UGGT1: variants seen among roughly 807,000 people sequenced by gnomAD.
UGGT1 encodes UDP-glucose:glycoprotein glucosyltransferase 1.
UGGT1 carries 107 observed loss-of-function variants against 203.9 expected under a neutral mutation model. That is an observed-to-expected ratio of 0.52 (90% CI 0.45 to 0.62). UGGT1 has a LOEUF of 0.62. UGGT1 is among the 20% of genes least tolerant of loss of function. The probability of loss-of-function intolerance (pLI) is 0.00; values close to 1 mark genes in which losing one functional copy is unlikely to be tolerated. For missense variants in UGGT1, 1,673 were observed against 1,867.2 expected (o/e 0.90, Z 1.92); for synonymous variants, 628 against 653.5 (o/e 0.96, Z 0.59).
In UGGT1 at chr2:128,115,221, G is replaced by T; in HGVS notation, c.793+1G>T. The stretch of plus-strand genomic sequence containing the variant: ...GCCAAGGATGATACTCAGGTGAAAG[G>T]TGAATTTGTAAAAATGGGACCAGTG... On this transcript the variant is annotated splice_donor_variant, in intron 7 of 40. Transcript: ENST00000259253. LOFTEE classifies it high-confidence loss of function. 1 of 1,613,152 alleles carries T rather than the reference G, an allele frequency of 6.2e-7. No individual in the cohort carries two copies. The highest frequency in any genetic ancestry group is 8.5e-7 in the Non-Finnish European group (1 of 1,179,330).
At chr2:128,107,826 T>C (rs1192302578) in intron 3 of UGGT1, 112 bp from the exon 4 acceptor site, 3 of 1,438,434 alleles carry the variant, frequency 2.1e-6, no homozygotes, top group Non-Finnish European at 2.9e-6. Flanking sequence ...AATATACTGG[T>C]AAAACTTGCC....
intron 19 of UGGT1, among the ~76,000 whole-genome samples, chr2:128,154,798 T>G (rs2104719019): frequency 6.6e-6 from 1 of 152,264 alleles, no homozygotes. Flanking sequence ...AAGACTGACA[T>G]TTGTATAGGG....
At position 128,164,830 on chromosome 2, in the gene UGGT1, A is replaced by G; in HGVS notation, c.2921+5A>G. 1 of 1,589,192 alleles carries G rather than the reference A, an allele frequency of 6.3e-7. No individual in the cohort carries two copies. The highest frequency in any genetic ancestry group is 1.7e-4 in the Middle Eastern group (1 of 5,942). ...GTTTTTTGAAGACAGACACAGGTAT[A>G]GAATTAATGTTGAATTTGTGCATAT... is the stretch of plus-strand genomic sequence containing the variant. On this transcript the variant is annotated splice_donor_5th_base_variant and intron_variant, in intron 26 of 40. Coordinates refer to ENST00000259253, the MANE Select transcript of UGGT1 (RefSeq NM_020120.4).
At chr2:128,172,419 G>A (rs1691151423) in intron 28 of UGGT1, among the ~76,000 whole-genome samples, 154 bp from the exon 29 acceptor site, 1 of 152,156 alleles carries the variant, frequency 6.6e-6, no homozygotes, top group East Asian at 1.9e-4. Flanking sequence ...GGCATCATAA[G>A]GTCAAAGATG....
chr2:128,100,181 C>T (rs936384481), intron 2 of UGGT1, among the ~76,000 whole-genome samples: 2 of 151,802 alleles, frequency 1.3e-5, no homozygotes, highest in South Asian at 2.1e-4. Context: ...GGATTACCGG[C>T]GTGTGCCAGC....
Position 128,113,228 on chromosome 2 carries a change from A to C in UGGT1, c.666A>C (p.Lys222Asn), listed in dbSNP as rs761831326. 6.2e-7 allele frequency: 1 copy of C among 1,612,490 alleles called. No homozygotes were observed. Among genetic ancestry groups the C allele is most frequent in the South Asian group, 1.1e-5 (1 of 90,686 alleles). Residue 222 changes from lysine (K) to asparagine (N), a missense_variant, in exon 6 of 41, where the codon AAA (lysine) becomes AAC (asparagine). Transcript: ENST00000259253. ...RQLISKSNAG[K>N]INYVFRHYIF... ...TTATATCAAAAAGCAATGCAGGCAA[A>C]ATCAATTATGTATTCAGACATTATA...
intron 11 of UGGT1, among the ~76,000 whole-genome samples, chr2:128,126,822 A>G (rs1379490624): frequency 6.6e-6 from 1 of 150,860 alleles, no homozygotes; most frequent in Non-Finnish European, 1.5e-5. Context: ...AGCTGGGACT[A>G]TAGGAGTACA....
chr2:128,110,432 A>G (rs1214786298), intron 5 of UGGT1, among the ~76,000 whole-genome samples: 5 of 152,258 alleles, frequency 3.3e-5, no homozygotes, highest in African/African-American at 9.6e-5. Context: ...CTGCCCACCA[A>G]ATGGCATTAG....
chr2:128,103,873 AATAT>A (rs2105347269), intron 2 of UGGT1, 55 bp from the exon 3 acceptor site: 1 of 1,271,250 alleles, frequency 7.9e-7, no homozygotes, highest in African/African-American at 1.5e-5. Context: ...TCTCTTTAGT[AATAT>A]AGTTTATATT....
chr2:128,115,501 A>C (rs911854685), intron 7 of UGGT1, among the ~76,000 whole-genome samples: 4 of 128,896 alleles, frequency 3.1e-5, no homozygotes, highest in African/African-American at 5.9e-5. Flanking sequence ...AAAAAAAAAA[A>C]AAAACAAAAA....
intron 22 of UGGT1, 125 bp from the exon 23 acceptor site, chr2:128,159,389 G>C (rs979022865): frequency 1.1e-6 from 1 of 909,822 alleles, no homozygotes; most frequent in African/African-American, 1.7e-5. Context: ...ATGAGCCACT[G>C]CGCCCGGCCT....
chr2:128,099,094 T>C (rs1360738546), intron 2 of UGGT1, among the ~76,000 whole-genome samples: 1 of 152,174 alleles, frequency 6.6e-6, no homozygotes, highest in East Asian at 1.9e-4. Context: ...GTCACATCAC[T>C]CCAATCAGCC....
intron 2 of UGGT1, among the ~76,000 whole-genome samples, chr2:128,103,331 A>C (rs545586497): frequency 5.3e-5 from 8 of 152,298 alleles, no homozygotes; most frequent in African/African-American, 1.7e-4. Context: ...TTTTAGTAGG[A>C]TAAAGTCGAA....
chr2:128,138,821 A>G lies in UGGT1; in HGVS notation c.1688A>G (p.Asp563Gly), dbSNP rs1158118125. The G allele has an allele frequency of 6.2e-7, 1 of 1,614,008 alleles. No individual in the cohort carries two copies. Among genetic ancestry groups the G allele is most frequent in the African/African-American group, 1.3e-5 (1 of 74,900 alleles). The change falls in exon 16 of 41, where the codon GAT becomes GGT. Residue 563 changes from aspartate (D) to glycine (G), a missense_variant. By Grantham distance (94) the Asp-to-Gly change is moderately conservative. Coordinates refer to ENST00000259253, the MANE Select transcript of UGGT1 (RefSeq NM_020120.4). ...RAYNYVAQEV[D>G]DYHAFQTLTH... Reference sequence around the variant, plus strand: ...TATAATTATGTTGCCCAAGAAGTGGATGATTATCATGCCTTCCAGACTCTG... The same window carrying G: ...TATAATTATGTTGCCCAAGAAGTGGGTGATTATCATGCCTTCCAGACTCTG...
At chr2:128,162,776 C>T (rs996985458) in intron 25 of UGGT1, among the ~76,000 whole-genome samples, 2 of 152,118 alleles carry the variant, frequency 1.3e-5, no homozygotes, top group African/African-American at 4.8e-5. Context: ...GCAGGGAGCT[C>T]CTTGGGGTCT....
At chr2:128,140,488 TC>T (rs970430797) in intron 16 of UGGT1, 2 of 152,282 alleles carry the variant, frequency 1.3e-5, no homozygotes, top group African/African-American at 4.8e-5. Context: ...GAGCAGCTGC[TC>T]CATCTGTAGC....
chr2:128,117,204 C>T (rs1688146132), intron 8 of UGGT1, among the ~76,000 whole-genome samples: 1 of 152,010 alleles, frequency 6.6e-6, no homozygotes. Context: ...ATTCTCCTGC[C>T]TCAGCCCCCT....
chr2:128,176,726 G>A, intron 31 of UGGT1, 88 bp from the exon 32 acceptor site: 1 of 1,247,500 alleles, frequency 8.0e-7, no homozygotes, highest in Non-Finnish European at 1.2e-6. Context: ...TCCTTTATGA[G>A]AAGGATGATG....
chr2:128,156,908 A>T (rs745308322), intron 21 of UGGT1, among the ~76,000 whole-genome samples: 10 of 152,220 alleles, frequency 6.6e-5, no homozygotes, highest in Non-Finnish European at 1.2e-4. Flanking sequence ...GTAAAGAATT[A>T]GTTTCAGAAA....
Sources: allele counts gnomAD v4.1 joint callset (sites outside exome capture counted in the v4.1 genomes callset), GRCh38; gene constraint gnomAD v4.1.1; transcripts MANE v1.5; gene names NCBI Gene and HGNC (gene_info 2026-07-23, HGNC 2026-07-21).